The following TCERG1L variants were observed in gnomAD, a reference collection of about 807,000 sequenced individuals.
The protein encoded by TCERG1L is transcription elongation regulator 1 like, also known as transcription elongation regulator 1-like protein.
Under a neutral mutation model 56.3 loss-of-function variants are expected in TCERG1L, and 37 were observed. The observed-to-expected ratio is 0.66, with a 90% CI of 0.51 to 0.87. The LOEUF (loss-of-function observed/expected upper bound fraction) is 0.87, where lower values mean the gene tolerates loss of function less well. Among genes scored for constraint, TCERG1L ranks in the 40% least tolerant of loss-of-function variants. The probability of loss-of-function intolerance (pLI) is 0.00; values close to 1 mark genes in which losing one functional copy is unlikely to be tolerated. For missense variants in TCERG1L, 799 were observed against 774.2 expected (o/e 1.03, Z -0.38); for synonymous variants, 324 against 326.3 (o/e 0.99, Z 0.08).
At chr10:131,141,731 CT>C (rs1845740903) in intron 7 of TCERG1L, among the ~76,000 whole-genome samples, 1 of 151,732 alleles carries the variant, frequency 6.6e-6, no homozygotes, top group East Asian at 2.0e-4. Context: ...GGCTTGATGT[CT>C]TAGGTCCTGG....
At chr10:131,242,351 C>T (rs895744103) in intron 4 of TCERG1L, among the ~76,000 whole-genome samples, 2 of 152,120 alleles carry the variant, frequency 1.3e-5, no homozygotes, top group Non-Finnish European at 2.9e-5. Context: ...TGAAAAACAT[C>T]TTGGCAATGT....
intron 4 of TCERG1L, among the ~76,000 whole-genome samples, chr10:131,236,317 TC>T (rs1845912221): frequency 6.6e-6 from 1 of 152,176 alleles, no homozygotes; most frequent in Admixed American, 6.5e-5. Flanking sequence ...TACCTTTTTT[TC>T]CCCCAAACAA....
chr10:131,308,268 G>A lies in TCERG1L; in HGVS notation c.613C>T (p.Pro205Ser). 6.2e-7 allele frequency: 1 copy of A among 1,614,000 alleles called. No individual in the cohort carries two copies. The highest frequency in any genetic ancestry group is 8.5e-7 in the Non-Finnish European group (1 of 1,179,898). The change falls in exon 3 of 12, where the codon CCG becomes TCG. Residue 205 changes from proline to serine, a missense_variant. Coordinates refer to ENST00000368642, the MANE Select transcript of TCERG1L (RefSeq NM_174937.4). ...GGGAGCGGCCTGGAGGCAGGAGCCG[G>A]CCTGGACAGAGACACAGCTACTTGA... is the stretch of plus-strand genomic sequence containing the variant. Reference protein sequence around the residue: ...ANQVAVSLSRPAPASRPLPTV... With the variant: ...ANQVAVSLSRSAPASRPLPTV...
At chr10:131,182,141 G>A (rs770162334) in intron 4 of TCERG1L, among the ~76,000 whole-genome samples, 7 of 152,216 alleles carry the variant, frequency 4.6e-5, no homozygotes, top group Non-Finnish European at 1.0e-4. Context: ...GTGTGTGTAT[G>A]AGCATGTGTG....
chr10:131,107,956 TACACACACACACACACACAC>T (rs59364659), intron 9 of TCERG1L, among the ~76,000 whole-genome samples: 2 of 146,766 alleles, frequency 1.4e-5, no homozygotes, highest in Admixed American at 1.4e-4. Flanking sequence ...CATGTGTGCC[TACACACACACACACACACAC>T]ACACACACAC....
chr10:131,174,492 C>T (rs552166632), intron 4 of TCERG1L, among the ~76,000 whole-genome samples: 235 of 152,202 alleles, frequency 1.5e-3, no homozygotes, highest in Middle Eastern at 6.8e-3. Flanking sequence ...GGCTGGGCTG[C>T]AGGCAGGGCC....
chr10:131,147,635 G>C (rs1438901883), intron 6 of TCERG1L, among the ~76,000 whole-genome samples: 2 of 152,228 alleles, frequency 1.3e-5, no homozygotes, highest in Admixed American at 6.5e-5. Flanking sequence ...TCTGGGCCTC[G>C]GCTTCCTGCA....
chr10:131,122,653 C>CT (rs1208516079), intron 8 of TCERG1L, among the ~76,000 whole-genome samples: 1 of 152,180 alleles, frequency 6.6e-6, no homozygotes, highest in East Asian at 1.9e-4. Flanking sequence ...GATCATAAAA[C>CT]TGTAATCGTA....
chr10:131,182,521 G>A (rs1263300395), intron 4 of TCERG1L, among the ~76,000 whole-genome samples: 4 of 152,154 alleles, frequency 2.6e-5, no homozygotes, highest in African/African-American at 9.7e-5. Flanking sequence ...AGATACTTAG[G>A]GCACCTGCCC....
At chr10:131,287,225 C>T (rs1170736242) in intron 3 of TCERG1L, among the ~76,000 whole-genome samples, 2 of 152,194 alleles carry the variant, frequency 1.3e-5, no homozygotes, top group African/African-American at 4.8e-5. Flanking sequence ...AATAATCTCA[C>T]ATTTAGATGC....
chr10:131,131,048 G>A (rs1382288178), intron 8 of TCERG1L, among the ~76,000 whole-genome samples: 1 of 152,196 alleles, frequency 6.6e-6, no homozygotes, highest in Non-Finnish European at 1.5e-5. Context: ...GCTACACTGT[G>A]CATTTCACAA....
At chr10:131,278,192 C>T (rs1338022837) in intron 3 of TCERG1L, among the ~76,000 whole-genome samples, 1 of 152,058 alleles carries the variant, frequency 6.6e-6, no homozygotes, top group African/African-American at 2.4e-5. Flanking sequence ...CACGTGACCC[C>T]GGCCGAGTCG....
At position 131,224,873 on chromosome 10, in the gene TCERG1L, C is replaced by T. The variant is rs74817440; in HGVS notation, c.856+35386G>A. Reference sequence around the variant, plus strand: ...AAAACACACTTTATACTCTAATTAGCGTACCTGGACGTTAGGAACTCTGAA... The same window carrying T: ...AAAACACACTTTATACTCTAATTAGTGTACCTGGACGTTAGGAACTCTGAA... On this transcript the variant is annotated intron_variant, in intron 4 of 11. Coordinates refer to ENST00000368642, the MANE Select transcript of TCERG1L (RefSeq NM_174937.4). 3.7e-3 allele frequency among the ~76,000 whole-genome samples: 563 copies of T among 152,212 alleles called. 16 individuals carry two copies. The East Asian group carries it at 0.069, about 19-fold the overall frequency.
chr10:131,185,855 G>C (rs1845236076), intron 4 of TCERG1L, among the ~76,000 whole-genome samples: 1 of 152,146 alleles, frequency 6.6e-6, no homozygotes, highest in Non-Finnish European at 1.5e-5. Flanking sequence ...TCCACTCCTA[G>C]ATCTATACCC....
chr10:131,200,029 A>G (rs1180764663), intron 4 of TCERG1L, among the ~76,000 whole-genome samples: 3 of 151,898 alleles, frequency 2.0e-5, no homozygotes, highest in African/African-American at 4.8e-5. Context: ...CTTCCCATCT[A>G]TATCACTACT....
intron 5 of TCERG1L, chr10:131,164,126 T>TAAAAAAAAAAAAAAAAAA (rs11327805): frequency 3.2e-5 from 3 of 93,278 alleles, no homozygotes; most frequent in African/African-American, 9.0e-5. Context: ...GACTCTGTCT[T>TAAAAAAAAAAAAAAAAAA]AAAAAAAAAA....
At chr10:131,270,293 G>A (rs546312269) in intron 3 of TCERG1L, among the ~76,000 whole-genome samples, 27 of 152,278 alleles carry the variant, frequency 1.8e-4, no homozygotes, top group Admixed American at 1.4e-3. Flanking sequence ...TGCTCCCCTC[G>A]GAGACGCCTC....
intron 3 of TCERG1L, among the ~76,000 whole-genome samples, chr10:131,274,104 C>A (rs1846369336): frequency 1.3e-5 from 2 of 152,178 alleles, no homozygotes; most frequent in African/African-American, 4.8e-5. Flanking sequence ...AGGAAAGTGT[C>A]CTTCCTTTTC....
intron 3 of TCERG1L, among the ~76,000 whole-genome samples, chr10:131,282,137 GAAAAAAAAAAA>G (rs543405432): frequency 1.4e-4 from 13 of 92,542 alleles, no homozygotes; most frequent in African/African-American, 4.9e-4. Context: ...CTCCATCTCA[GAAAAAAAAAAA>G]AAAAAAAAAA....
Sources: gnomAD v4.1 joint callset for allele counts (sites outside exome capture counted in the v4.1 genomes callset) on GRCh38, gnomAD v4.1.1 for gene constraint, MANE v1.5 for transcripts, NCBI Gene and HGNC (gene_info 2026-07-23, HGNC 2026-07-21) for gene names.